The following CMIP variants were observed in gnomAD, a reference collection of about 807,000 sequenced individuals.
The protein encoded by CMIP is c-Maf inducing protein.
CMIP carries 13 observed loss-of-function variants against 97.3 expected under a neutral mutation model. The observed-to-expected ratio is 0.13, with a 90% CI of 0.09 to 0.21. The LOEUF is 0.21. Ranked by LOEUF, CMIP falls within the 10% of genes least tolerant of loss-of-function variation. CMIP has a pLI of 1.00. For synonymous variants in CMIP, 538 were observed against 436.3 expected (o/e 1.23, Z -2.91); for missense variants, 847 against 1,024.9 (o/e 0.83, Z 2.37).
intron 1 of CMIP, among the ~76,000 whole-genome samples, chr16:81,556,725 A>G (rs2090771411): frequency 6.6e-6 from 1 of 152,242 alleles, no homozygotes; most frequent in Non-Finnish European, 1.5e-5. Context: ...TGAACCGTAC[A>G]CTTAAATGGT....
At chr16:81,510,325 T>C (rs754197306) in intron 1 of CMIP, among the ~76,000 whole-genome samples, 1 of 152,164 alleles carries the variant, frequency 6.6e-6, no homozygotes, top group African/African-American at 2.4e-5. Flanking sequence ...GCCGCCCTCA[T>C]CACTTCATCA....
chr16:81,616,166 T>C lies in CMIP; in HGVS notation c.427-4710T>C, dbSNP rs1422758647. ...TCATTCAGCTGTATTTTTTTTTTTTTTTTTTTAACACCAGGCTCACTGGAG... is the reference window on the plus strand; with the variant it reads ...TCATTCAGCTGTATTTTTTTTTTTTCTTTTTTAACACCAGGCTCACTGGAG... On this transcript the variant is annotated intron_variant, in intron 2 of 20. Transcript: ENST00000537098. The surrounding 1 kb of genome is among the most constrained non-coding windows in gnomAD (Gnocchi z 4.7). Among the ~76,000 whole-genome samples, 1 of 151,864 alleles carries C rather than the reference T, an allele frequency of 6.6e-6. No individual in the cohort carries two copies. The highest frequency in any genetic ancestry group is 1.5e-5 in the Non-Finnish European group (1 of 67,882).
intron 1 of CMIP, among the ~76,000 whole-genome samples, chr16:81,552,730 G>C (rs1004079017): frequency 1.6e-4 from 24 of 152,204 alleles, no homozygotes; most frequent in African/African-American, 5.8e-4. Flanking sequence ...GGATCAGGGC[G>C]AAGACATAGA....
chr16:81,642,778 C>T (rs1302457312), intron 3 of CMIP, among the ~76,000 whole-genome samples: 1 of 152,136 alleles, frequency 6.6e-6, no homozygotes, highest in Non-Finnish European at 1.5e-5. Context: ...CGCCTGTAGT[C>T]CCAGCTACTC....
intron 10 of CMIP, among the ~76,000 whole-genome samples, chr16:81,683,289 C>T (rs1232334442): frequency 2.6e-5 from 4 of 152,136 alleles, no homozygotes; most frequent in East Asian, 1.9e-4. Flanking sequence ...TCCCGTCGAC[C>T]GCTTGGGACT....
chr16:81,583,964 C>G (rs998232022), intron 1 of CMIP, among the ~76,000 whole-genome samples: 2 of 152,116 alleles, frequency 1.3e-5, no homozygotes, highest in African/African-American at 4.8e-5. Flanking sequence ...TTGGAATATT[C>G]CAGAAGAAAA....
chr16:81,477,580 C>G (rs1908005146), intron 1 of CMIP, among the ~76,000 whole-genome samples: 1 of 152,232 alleles, frequency 6.6e-6, no homozygotes, highest in Non-Finnish European at 1.5e-5. Flanking sequence ...TCGTCATCAG[C>G]ACTCAGAACT....
At chr16:81,599,080 G>A (rs1488363717) in intron 1 of CMIP, among the ~76,000 whole-genome samples, 1 of 151,996 alleles carries the variant, frequency 6.6e-6, no homozygotes, top group Non-Finnish European at 1.5e-5. Flanking sequence ...CTGGAGAATG[G>A]TTGGAGAAAC....
At chr16:81,579,666 TG>T (rs2091262061) in intron 1 of CMIP, among the ~76,000 whole-genome samples, 2 of 152,196 alleles carry the variant, frequency 1.3e-5, no homozygotes, top group African/African-American at 4.8e-5. Context: ...ACCTGCCTTC[TG>T]TTTTAAGGGA....
At chr16:81,459,381 G>C (rs372711516) in intron 1 of CMIP, among the ~76,000 whole-genome samples, 1 of 152,050 alleles carries the variant, frequency 6.6e-6, no homozygotes, top group Non-Finnish European at 1.5e-5. Flanking sequence ...ACCCCGTGCC[G>C]TGACCCTGCT....
At chr16:81,562,264 A>G (rs2090897484) in intron 1 of CMIP, among the ~76,000 whole-genome samples, 1 of 152,214 alleles carries the variant, frequency 6.6e-6, no homozygotes, top group African/African-American at 2.4e-5. Context: ...AGCAGAACAC[A>G]CTGAGGCTCC....
At chr16:81,595,669 A>T (rs2091543687) in intron 1 of CMIP, among the ~76,000 whole-genome samples, 1 of 152,120 alleles carries the variant, frequency 6.6e-6, no homozygotes, top group Admixed American at 6.5e-5. Flanking sequence ...GATTACAGGC[A>T]TGAGCCACCA....
At chr16:81,701,558 G>A in intron 15 of CMIP, 102 bp from the exon 16 acceptor site, 20 of 1,522,022 alleles carry the variant, frequency 1.3e-5, no homozygotes, top group Non-Finnish European at 1.8e-5. Flanking sequence ...AAAGGGGATA[G>A]TGGGGTTGCT....
At position 81,655,808 on chromosome 16, in the gene CMIP, C is replaced by T. The variant is rs897639579; in HGVS notation, c.640-1967C>T. ...CCTCACTGCAGCCCCTATTACCCTG[C>T]GCCTGCTAGTCACTGCATCCCGTCA... On this transcript the variant is annotated intron_variant, in intron 4 of 20. Coordinates refer to ENST00000537098, the MANE Select transcript of CMIP (RefSeq NM_198390.3). The surrounding 1 kb of genome is among the most constrained non-coding windows in gnomAD (Gnocchi z 4.9). 6.6e-6 allele frequency among the ~76,000 whole-genome samples: 1 copy of T among 152,114 alleles called. No individual in the cohort carries two copies. Among genetic ancestry groups the T allele is most frequent in the Non-Finnish European group, 1.5e-5 (1 of 68,020 alleles).
At chr16:81,660,622 G>C (rs574055343) in intron 5 of CMIP, among the ~76,000 whole-genome samples, 1 of 152,300 alleles carries the variant, frequency 6.6e-6, no homozygotes, top group African/African-American at 2.4e-5. Context: ...ATCAGGAAAA[G>C]AGTATTTCAT....
chr16:81,656,292 C>T (rs1042922822), intron 4 of CMIP, among the ~76,000 whole-genome samples: 5 of 152,242 alleles, frequency 3.3e-5, no homozygotes, highest in Non-Finnish European at 7.3e-5. Flanking sequence ...TCTGTAAACA[C>T]ATTAGATACC....
Position 81,632,275 on chromosome 16 carries a change from T to A in CMIP, c.477+11349T>A, listed in dbSNP as rs1211006730. Among the ~76,000 whole-genome samples the A allele has an allele frequency of 4.6e-5, 7 of 152,244 alleles. No individual in the cohort carries two copies. In the East Asian group the frequency reaches 1.4e-3, roughly 29 times the overall value. Reference sequence around the variant, plus strand: ...GGTAGTCCTAAAAAGTATAGAAAGGTATAAAATGAAAAGTTGGCCTCTACT... The same window carrying A: ...GGTAGTCCTAAAAAGTATAGAAAGGAATAAAATGAAAAGTTGGCCTCTACT... On this transcript the variant is annotated intron_variant, in intron 3 of 20. Transcript: ENST00000537098.
chr16:81,471,859 G>T (rs1400504226), intron 1 of CMIP, among the ~76,000 whole-genome samples: 1 of 152,234 alleles, frequency 6.6e-6, no homozygotes, highest in Non-Finnish European at 1.5e-5. Context: ...TGGACAGAGG[G>T]AGGACTCACG....
At chr16:81,692,057 G>A (rs902314252) in intron 11 of CMIP, among the ~76,000 whole-genome samples, 3 of 152,126 alleles carry the variant, frequency 2.0e-5, no homozygotes, top group Non-Finnish European at 4.4e-5. Flanking sequence ...GGAGAACAGG[G>A]ACATTGTAGG....
Sources: allele counts gnomAD v4.1 joint callset (sites outside exome capture counted in the v4.1 genomes callset), GRCh38; gene constraint gnomAD v4.1.1; non-coding constraint Gnocchi (gnomAD v3.1); transcripts MANE v1.5; gene names NCBI Gene and HGNC (gene_info 2026-07-23, HGNC 2026-07-21).